SRGAP3: variants seen among roughly 807,000 people sequenced by gnomAD.
SRGAP3 encodes SLIT-ROBO Rho GTPase-activating protein 3.
A neutral mutation model predicts 121.1 loss-of-function variants in SRGAP3; 39 were observed. The ratio of observed to expected loss-of-function variants is 0.32; its 90% CI spans 0.25 to 0.42. The LOEUF (loss-of-function observed/expected upper bound fraction) is 0.42. Ranked by LOEUF, SRGAP3 falls within the 10% of genes least tolerant of loss-of-function variation. SRGAP3 has a pLI of 1.00. For missense variants in SRGAP3, 1,213 were observed against 1,470.6 expected, an observed-to-expected ratio of 0.82 and a Z score of 2.86; for synonymous variants, 601 against 570.0, an observed-to-expected ratio of 1.05 and a Z score of -0.77.
intron 14 of SRGAP3, among the ~76,000 whole-genome samples, chr3:9,019,593 A>T (rs973215581): frequency 6.6e-5 from 10 of 152,254 alleles, no homozygotes; most frequent in Admixed American, 6.5e-4. Flanking sequence ...TAGAGCTGGC[A>T]AGCAATGAAA....
At position 9,066,661 on chromosome 3, in the gene SRGAP3, G is replaced by A. The variant is rs7642900; in HGVS notation, c.487-2080C>T. On this transcript the variant is annotated intron_variant, in intron 4 of 21. Coordinates refer to ENST00000383836, the MANE Select transcript of SRGAP3 (RefSeq NM_014850.4). The stretch of plus-strand genomic sequence containing the variant: ...ATTACAGGCACCCGCCACAATGCCC[G>A]GCTAATGTTTATATTTTAGTAGAGA... 8.7e-3 allele frequency among the ~76,000 whole-genome samples: 1,317 copies of A among 152,170 alleles called. 22 individuals are homozygous for A. Among genetic ancestry groups the A allele is most frequent in the African/African-American group, 0.031 (1,269 of 41,514 alleles).
intron 1 of SRGAP3, among the ~76,000 whole-genome samples, chr3:9,211,407 T>C (rs1460618570): frequency 3.9e-5 from 6 of 152,206 alleles, no homozygotes; most frequent in Non-Finnish European, 8.8e-5. Flanking sequence ...AAGCTATGAC[T>C]AATTCTATTC....
chr3:9,063,331 G>T (rs1243490887), intron 5 of SRGAP3, among the ~76,000 whole-genome samples: 1 of 151,838 alleles, frequency 6.6e-6, no homozygotes, highest in Non-Finnish European at 1.5e-5. Flanking sequence ...GTTCTGCCAT[G>T]TTGCCCAACC....
chr3:9,132,489 T>A lies in SRGAP3; in HGVS notation c.68-7572A>T, dbSNP rs138647951. On this transcript the variant is annotated intron_variant, in intron 1 of 21. Coordinates refer to ENST00000383836, the MANE Select transcript of SRGAP3 (RefSeq NM_014850.4). The stretch of plus-strand genomic sequence containing the variant: ...CTCTATAGTTTTGCCTTTCCCAGCA[T>A]GTTATACAGCTGGAATCATAAAGTA... Among the ~76,000 whole-genome samples, 15 of 152,334 alleles carry A rather than the reference T, an allele frequency of 9.8e-5. No individual in the cohort carries two copies. In the East Asian group the frequency reaches 2.7e-3, roughly 27 times the overall value.
intron 1 of SRGAP3, among the ~76,000 whole-genome samples, chr3:9,132,924 A>G (rs1000943909): frequency 1.3e-5 from 2 of 151,566 alleles, no homozygotes; most frequent in African/African-American, 4.8e-5. Context: ...TCTATCAACC[A>G]CCTAGTTCCC....
chr3:9,341,991 G>C (rs1955795088), intron 1 of SRGAP3, among the ~76,000 whole-genome samples: 2 of 152,246 alleles, frequency 1.3e-5, no homozygotes, highest in African/African-American at 4.8e-5. Context: ...CTAGATACAG[G>C]CTTTACTAAC....
In SRGAP3 at chr3:9,124,898, C is replaced by T. The variant is rs1427057662; in HGVS notation, c.87G>A (p.Val29=). Residue 29 remains valine (V), a synonymous_variant, in exon 2 of 22, where the codon GTG becomes GTA. Transcript: ENST00000383836. ...AQIKEIRTQL[V]EQFKCLEQQS... is the part of the protein sequence containing the mutation. ...GCTGCTCCAGACATTTGAACTGCTC[C>T]ACCAGCTGCGTGCGGATCTCTGCGG... 1 of 1,614,190 alleles carries T rather than the reference C, an allele frequency of 6.2e-7. No homozygotes were observed. Among genetic ancestry groups the T allele is most frequent in the Non-Finnish European group, 8.5e-7 (1 of 1,180,044 alleles).
chr3:9,095,330 G>C (rs1947925420), intron 3 of SRGAP3, among the ~76,000 whole-genome samples: 1 of 151,800 alleles, frequency 6.6e-6, no homozygotes, highest in South Asian at 2.1e-4. Context: ...GCTTTCTAAT[G>C]TTTTCTTTAA....
chr3:9,023,331 T>C (rs1208946671), intron 14 of SRGAP3, among the ~76,000 whole-genome samples: 1 of 152,244 alleles, frequency 6.6e-6, no homozygotes, highest in Non-Finnish European at 1.5e-5. Context: ...GGTTGGACTG[T>C]CCAGTGCTGC....
At chr3:9,186,084 T>C (rs1441584915) in intron 1 of SRGAP3, among the ~76,000 whole-genome samples, 1 of 152,186 alleles carries the variant, frequency 6.6e-6, no homozygotes, top group Non-Finnish European at 1.5e-5. Context: ...CAAACTGTTA[T>C]AAATACTTGC....
chr3:9,275,058 G>A (rs1954546415), intron 3 of SRGAP3, among the ~76,000 whole-genome samples: 1 of 152,144 alleles, frequency 6.6e-6, no homozygotes, highest in Non-Finnish European at 1.5e-5. Context: ...CCTCACCAGG[G>A]ACCTGCCCTC....
intron 4 of SRGAP3, among the ~76,000 whole-genome samples, chr3:9,066,386 A>G (rs1946430931): frequency 6.6e-6 from 1 of 152,204 alleles, no homozygotes; most frequent in South Asian, 2.1e-4. Context: ...CTCCTATCTA[A>G]CCAAGCCCTG....
intron 3 of SRGAP3, among the ~76,000 whole-genome samples, chr3:9,255,426 A>G (rs1404940062): frequency 1.3e-5 from 2 of 152,148 alleles, no homozygotes; most frequent in Non-Finnish European, 2.9e-5. Context: ...TCCCTGTAAG[A>G]TGGCAAAGAT....
intron 1 of SRGAP3, among the ~76,000 whole-genome samples, chr3:9,243,691 A>G (rs1057397635): frequency 1.3e-4 from 19 of 151,428 alleles, no homozygotes; most frequent in Non-Finnish European, 2.7e-4. Context: ...TTTTGCGTTT[A>G]TAAGAGCACA....
chr3:8,990,481 C>T (rs1439452995), intron 21 of SRGAP3, 31 bp downstream of exon 21: 1 of 1,549,502 alleles, frequency 6.5e-7, no homozygotes, highest in Non-Finnish European at 8.7e-7. Context: ...GGGCTTTTGG[C>T]TGCCCAGCCT....
intron 2 of SRGAP3, among the ~76,000 whole-genome samples, chr3:9,118,141 TA>T (rs1401803826): frequency 6.6e-6 from 1 of 151,880 alleles, no homozygotes; most frequent in East Asian, 1.9e-4. Context: ...CAAAAATAAG[TA>T]AATATGTAAA....
chr3:9,168,806 G>C (rs890356546), intron 1 of SRGAP3, among the ~76,000 whole-genome samples: 1 of 152,048 alleles, frequency 6.6e-6, no homozygotes, highest in African/African-American at 2.4e-5. Flanking sequence ...TCATTTTTTG[G>C]GCCCCTACTC....
At chr3:9,303,099 GTTT>G (rs2125275466) in intron 3 of SRGAP3, among the ~76,000 whole-genome samples, 1 of 85,398 alleles carries the variant, frequency 1.2e-5, no homozygotes, top group African/African-American at 1.4e-4. Context: ...CTTTACATTT[GTTT>G]GTTTGTTTGT....
chr3:9,276,633 A>G (rs1009842220), intron 3 of SRGAP3, among the ~76,000 whole-genome samples: 1 of 151,968 alleles, frequency 6.6e-6, no homozygotes, highest in African/African-American at 2.4e-5. Context: ...CACTATGTTG[A>G]CCAGACTGGT....
Sources: allele counts gnomAD v4.1 joint callset (sites outside exome capture counted in the v4.1 genomes callset), GRCh38; gene constraint gnomAD v4.1.1; transcripts MANE v1.5; gene names NCBI Gene and HGNC (gene_info 2026-07-23, HGNC 2026-07-21).